Variants in MYO18B observed in about 807,000 individuals in gnomAD.
MYO18B encodes the protein myosin XVIIIB, also known as unconventional myosin-XVIIIb.
MYO18B carries 204 observed loss-of-function variants against 273.0 expected under a neutral mutation model. The observed-to-expected ratio is 0.75, with a 90% CI of 0.67 to 0.84. The LOEUF (loss-of-function observed/expected upper bound fraction) is 0.84. MYO18B is among the 40% of genes least tolerant of loss of function. The pLI, the probability that MYO18B is intolerant of heterozygous loss-of-function variation, is 0.00. For missense variants in MYO18B, 3,212 were observed against 3,287.6 expected (o/e 0.98, Z 0.56); for synonymous variants, 1,330 against 1,305.7 (o/e 1.02, Z -0.40).
At position 25,919,012 on chromosome 22, in the gene MYO18B, G is replaced by A. The variant is rs562639567; in HGVS notation, c.5365-2245G>A. 2.8e-3 allele frequency among the ~76,000 whole-genome samples: 430 copies of A among 152,212 alleles called. 2 individuals carry two copies. Among genetic ancestry groups the A allele is most frequent in the African/African-American group, 9.2e-3 (383 of 41,528 alleles). ...ATATCAGTTGTTCCTCCATGTAAGAGCCCTGGATAACCTCTTTCACTTTGT... is the reference window on the plus strand; with the variant it reads ...ATATCAGTTGTTCCTCCATGTAAGAACCCTGGATAACCTCTTTCACTTTGT... On this transcript the variant is annotated intron_variant, in intron 33 of 43. Coordinates refer to ENST00000335473, the MANE Select transcript of MYO18B (RefSeq NM_032608.7).
intron 42 of MYO18B, among the ~76,000 whole-genome samples, chr22:26,024,371 C>G (rs1011791893): frequency 1.3e-5 from 2 of 152,066 alleles, no homozygotes; most frequent in Non-Finnish European, 2.9e-5. Context: ...AGGAGTACTC[C>G]GGGTAGAACC....
chr22:25,755,080 G>T (rs1480373888), intron 1 of MYO18B, among the ~76,000 whole-genome samples: 1 of 152,208 alleles, frequency 6.6e-6, no homozygotes, highest in Non-Finnish European at 1.5e-5. Context: ...GAGTCACTCG[G>T]GGGCCTCGCC....
At chr22:25,849,360 C>G (rs1187282116) in intron 20 of MYO18B, among the ~76,000 whole-genome samples, 1 of 152,166 alleles carries the variant, frequency 6.6e-6, no homozygotes, top group Non-Finnish European at 1.5e-5. Flanking sequence ...TGGTTCATTT[C>G]CTCTTTTTAT....
intron 3 of MYO18B, among the ~76,000 whole-genome samples, chr22:25,766,710 A>G (rs868382911): frequency 1.1e-4 from 17 of 152,226 alleles, no homozygotes; most frequent in African/African-American, 4.1e-4. Flanking sequence ...GAAGGTGACC[A>G]GTACAGTTCA....
At chr22:26,042,672 T>C in the MYO18B span, among the ~76,000 whole-genome samples, 1 of 152,230 alleles carries the variant, frequency 6.6e-6, no homozygotes, top group Admixed American at 6.5e-5. Flanking sequence ...GCTCCAGTTT[T>C]AGAAAGCCAG....
At chr22:25,999,830 A>G (rs1344989384) in intron 40 of MYO18B, among the ~76,000 whole-genome samples, 3 of 151,956 alleles carry the variant, frequency 2.0e-5, no homozygotes, top group African/African-American at 4.8e-5. Flanking sequence ...TAATTTTTGT[A>G]TTTTTAGTAG....
intron 42 of MYO18B, among the ~76,000 whole-genome samples, chr22:26,009,955 G>A (rs1229258852): frequency 1.3e-5 from 2 of 152,048 alleles, no homozygotes; most frequent in African/African-American, 4.8e-5. Flanking sequence ...CACCAACCAG[G>A]TATCTCCCTG....
chr22:26,010,658 CCCTT>C (rs1233298493), intron 42 of MYO18B, among the ~76,000 whole-genome samples: 4 of 152,242 alleles, frequency 2.6e-5, no homozygotes, highest in African/African-American at 7.2e-5. Context: ...AGCAGAAACT[CCCTT>C]CCATCCTCTG....
chr22:25,834,590 A>C (rs1195802868), intron 16 of MYO18B, among the ~76,000 whole-genome samples: 1 of 152,154 alleles, frequency 6.6e-6, no homozygotes, highest in African/African-American at 2.4e-5. Flanking sequence ...GTTACTGTGC[A>C]TGTTGCATTT....
intron 34 of MYO18B, among the ~76,000 whole-genome samples, chr22:25,931,509 C>T (rs923299150): frequency 3.3e-5 from 5 of 152,126 alleles, no homozygotes; most frequent in African/African-American, 1.2e-4. Flanking sequence ...CACTTGAGTG[C>T]AGTGAATTCT....
intron 33 of MYO18B, 75 bp downstream of exon 33, chr22:25,911,125 A>ACCCT (rs2092150101): frequency 2.8e-6 from 3 of 1,088,192 alleles, no homozygotes; most frequent in Non-Finnish European, 2.7e-6. Flanking sequence ...CATGGAGAGA[A>ACCCT]CAGCCTGAGG....
intron 7 of MYO18B, among the ~76,000 whole-genome samples, chr22:25,772,930 GC>G (rs2086774981): frequency 6.6e-6 from 1 of 152,204 alleles, no homozygotes; most frequent in African/African-American, 2.4e-5. Context: ...GGTCTAGCGA[GC>G]AGAGTTGCTG....
At chr22:26,062,586 A>T in the MYO18B span, among the ~76,000 whole-genome samples, 5 of 152,184 alleles carry the variant, frequency 3.3e-5, no homozygotes, top group African/African-American at 1.2e-4. Context: ...TGAGCTAATA[A>T]ATCCTACCAT....
At chr22:26,061,129 C>T in the MYO18B span, among the ~76,000 whole-genome samples, 157 of 152,304 alleles carry the variant, frequency 1.0e-3, no homozygotes, top group African/African-American at 3.7e-3. Context: ...AGCCCCAGAC[C>T]CTGGACTCCA....
chr22:25,828,004 C>T (rs868066266), intron 14 of MYO18B, among the ~76,000 whole-genome samples: 1 of 152,214 alleles, frequency 6.6e-6, no homozygotes, highest in Non-Finnish European at 1.5e-5. Flanking sequence ...TGGCAAACAA[C>T]AGAAGAACCA....
rs774915959 is a variant in MYO18B at position 25,823,669 on chromosome 22, A to G, written c.2686A>G (p.Thr896Ala). 1.9e-6 allele frequency: 3 copies of G among 1,613,776 alleles called. No individual in the cohort carries two copies. The highest frequency in any genetic ancestry group is 1.3e-5 in the African/African-American group (1 of 74,896). The change falls in exon 13 of 44, where the codon ACC becomes GCC. Residue 896 changes from threonine to alanine, a missense_variant. Transcript: ENST00000335473. Reference protein sequence around the residue: ...PSRWGLEDEETSSGLKMTGVD... With the variant: ...PSRWGLEDEEASSGLKMTGVD... ...CCGATGGGGCCTCGAGGATGAGGAA[A>G]CCAGCTCAGGTACATGGCTGCTGCC...
intron 12 of MYO18B, among the ~76,000 whole-genome samples, chr22:25,809,208 G>A (rs777208945): frequency 9.9e-5 from 15 of 152,130 alleles, no homozygotes; most frequent in Non-Finnish European, 1.3e-4. Flanking sequence ...CTCCCAAAGC[G>A]CTGGGATTAC....
At chr22:25,812,709 G>A (rs1026290284) in intron 12 of MYO18B, among the ~76,000 whole-genome samples, 4 of 152,208 alleles carry the variant, frequency 2.6e-5, no homozygotes. Context: ...GGTTGAAAGA[G>A]CCAAGGAGTC....
chr22:25,976,339 G>A (rs2093089349), intron 39 of MYO18B, among the ~76,000 whole-genome samples: 1 of 152,084 alleles, frequency 6.6e-6, no homozygotes, highest in African/African-American at 2.4e-5. Context: ...ACTTAATTTA[G>A]AGTTAGTGGA....
Sources: gnomAD v4.1 joint callset for allele counts (sites outside exome capture counted in the v4.1 genomes callset) on GRCh38, gnomAD v4.1.1 for gene constraint, MANE v1.5 for transcripts, NCBI Gene and HGNC (gene_info 2026-07-23, HGNC 2026-07-21) for gene names.